The following KIFC1 variants were observed in gnomAD, a reference collection of about 807,000 sequenced individuals.
KIFC1 encodes the protein kinesin family member C1.
KIFC1 carries 37 observed loss-of-function variants against 66.6 expected under a neutral mutation model. That is an observed-to-expected ratio of 0.56 (90% CI 0.43 to 0.73). The LOEUF is 0.73. KIFC1 is among the 30% of genes least tolerant of loss of function. The pLI, the probability that KIFC1 is intolerant of heterozygous loss-of-function variation, is 0.00. For missense variants in KIFC1, 721 were observed against 859.8 expected (o/e 0.84, Z 2.02); for synonymous variants, 325 against 343.5 (o/e 0.95, Z 0.60).
At chr6:33,399,726 C>T (rs779619545) in intron 3 of KIFC1, among the ~76,000 whole-genome samples, 2 of 152,188 alleles carry the variant, frequency 1.3e-5, no homozygotes, top group Non-Finnish European at 2.9e-5. Context: ...AATGGCACAC[C>T]TGTACAGGGT....
rs145962575 is a variant in KIFC1, at chr6:33,399,248, C to T, written c.250+861C>T. 8.5e-5 allele frequency among the ~76,000 whole-genome samples: 13 copies of T among 152,108 alleles called. No individual in the cohort carries two copies. The East Asian group carries it at 2.1e-3, about 25-fold the overall frequency. On this transcript the variant is annotated intron_variant, in intron 3 of 10. Transcript: ENST00000428849. The stretch of plus-strand genomic sequence containing the variant: ...TACTAAAAATATAAAATTAGCCAGA[C>T]GTGATGGCCCGTGCCTGTAATCCCA...
chr6:33,397,778 C>T (rs1185427009), intron 1 of KIFC1, among the ~76,000 whole-genome samples: 2 of 152,212 alleles, frequency 1.3e-5, no homozygotes, highest in Non-Finnish European at 2.9e-5. Flanking sequence ...GAAGAGCATC[C>T]ATTCCTCTCT....
chr6:33,392,197 C>A (rs535929757), intron 1 of KIFC1, among the ~76,000 whole-genome samples, 200 bp downstream of exon 1: 88 of 152,326 alleles, frequency 5.8e-4, no homozygotes, highest in African/African-American at 1.9e-3. Context: ...TCGGAAGGCA[C>A]GTCTGTCTGC....
chr6:33,405,516 C>T lies in KIFC1; in HGVS notation c.1421C>T (p.Ala474Val). The T allele has an allele frequency of 3.7e-6, 6 of 1,612,232 alleles. No homozygotes were observed. The highest frequency in any genetic ancestry group is 3.4e-6 in the Non-Finnish European group (4 of 1,179,178). ...IYNETVRDLL[A>V]TGTRKGQGGE... ...AATGAGACTGTCCGGGACCTGCTGGCCACTGGAACCCGGAAGGGTCAAGGG... is the reference window on the plus strand; with the variant it reads ...AATGAGACTGTCCGGGACCTGCTGGTCACTGGAACCCGGAAGGGTCAAGGG... The change falls in exon 7 of 11, where the codon GCC becomes GTC. Residue 474 changes from alanine to valine, a missense_variant. By Grantham distance (64) the Ala-to-Val change is moderately conservative. Coordinates refer to ENST00000428849, the MANE Select transcript of KIFC1 (RefSeq NM_002263.4). The surrounding 1 kb of genome is among the most constrained non-coding windows in gnomAD (Gnocchi z 5.4).
intron 1 of KIFC1, among the ~76,000 whole-genome samples, chr6:33,397,300 T>A (rs944860769): frequency 2.7e-5 from 4 of 146,004 alleles, no homozygotes; most frequent in African/African-American, 1.0e-4. Context: ...AATGCCCTTT[T>A]TTTTTTTTTT....
At chr6:33,398,468 T>G (rs751720434) in intron 3 of KIFC1, 81 bp downstream of exon 3, 29 of 1,140,098 alleles carry the variant, frequency 2.5e-5, no homozygotes, top group Non-Finnish European at 3.4e-5. Context: ...CTTTCAATTT[T>G]ATTTTATTTT....
chr6:33,403,888 G>A lies in KIFC1; in HGVS notation c.515G>A (p.Arg172Lys). 6.2e-7 allele frequency: 1 copy of A among 1,614,246 alleles called. No individual in the cohort carries two copies. The highest frequency in any genetic ancestry group is 1.1e-5 in the South Asian group (1 of 91,090). ...QENQQLQDQLRDAQQQVKALG... is the reference protein window; with the variant it reads ...QENQQLQDQLKDAQQQVKALG... Reference sequence around the variant, plus strand: ...AACCAGCAGCTTCAGGACCAGCTCAGAGATGCCCAGCAGCAGGTCAAGGCC... The same window carrying A: ...AACCAGCAGCTTCAGGACCAGCTCAAAGATGCCCAGCAGCAGGTCAAGGCC... Residue 172 changes from arginine to lysine, a missense_variant, in exon 6 of 11, where the codon AGA becomes AAA. Physicochemically the swap from Arg to Lys is conservative, Grantham distance 26. Transcript: ENST00000428849. This position sits in a 1 kb window ranked among gnomAD's most constrained non-coding sequence, Gnocchi z 4.6.
Position 33,405,762 on chromosome 6 carries a change from C to T in KIFC1, c.1536+131C>T, listed in dbSNP as rs1775616137. 5 of 1,011,746 alleles carry T rather than the reference C, an allele frequency of 4.9e-6. No homozygotes were observed. The Admixed American group carries it at 9.5e-5, about 19-fold the overall frequency. 62.7% of individuals were successfully genotyped at this position (1,011,746 alleles called of 1,614,324 possible). A position where few individuals can be genotyped will look rare whatever the true frequency, so the allele number is the denominator to read the frequency against. Reference sequence around the variant, plus strand: ...TGCAAGTTATCAGGCTGGGTTACCACATCCGGTTTTGGCCTGTGGGCTGTC... The same window carrying T: ...TGCAAGTTATCAGGCTGGGTTACCATATCCGGTTTTGGCCTGTGGGCTGTC... On this transcript the variant is annotated intron_variant, in intron 7 of 10. Coordinates refer to ENST00000428849, the MANE Select transcript of KIFC1 (RefSeq NM_002263.4). The surrounding 1 kb of genome is among the most constrained non-coding windows in gnomAD (Gnocchi z 5.4).
intron 10 of KIFC1, among the ~76,000 whole-genome samples, chr6:33,408,058 T>A (rs531663231): frequency 2.6e-5 from 4 of 152,162 alleles, no homozygotes; most frequent in Non-Finnish European, 4.4e-5. Context: ...TTTTAGAGGG[T>A]GGTGATGTTT....
intron 1 of KIFC1, among the ~76,000 whole-genome samples, chr6:33,394,406 T>C (rs1382890868): frequency 1.3e-5 from 2 of 152,198 alleles, no homozygotes; most frequent in Non-Finnish European, 2.9e-5. Context: ...GTTATATCAA[T>C]TGAGATGGAG....
chr6:33,407,153 A>C, intron 10 of KIFC1: 1 of 1,090,342 alleles, frequency 9.2e-7, no homozygotes, highest in South Asian at 1.9e-5. Context: ...TCATGCCTAT[A>C]ATCCGAACAC....
chr6:33,409,750 T>C lies in KIFC1; in HGVS notation c.*60T>C. On this transcript the variant is annotated 3_prime_UTR_variant, in exon 11 of 11. Transcript: ENST00000428849. ...GTGTGTGTGTGTGTGTGTGTGTGTG[T>C]GTGTCCCTATGTCTATGTATCGGGT... The C allele has an allele frequency of 7.0e-7, 1 of 1,433,172 alleles. No individual in the cohort carries two copies. The highest frequency in any genetic ancestry group is 9.7e-7 in the Non-Finnish European group (1 of 1,036,214). 88.8% of individuals were successfully genotyped at this position (1,433,172 alleles called of 1,614,324 possible).
rs763606695 is a variant in KIFC1 at position 33,398,032 on chromosome 6, TC to T, written c.22del (p.Leu8TyrfsTer4). 2 of 1,613,372 alleles carry T rather than the reference TC, an allele frequency of 1.2e-6. No individual in the cohort carries two copies. Among genetic ancestry groups the T allele is most frequent in the Admixed American group, 3.3e-5 (2 of 59,946 alleles). ...TAAGGGTCTCTTTTCCCAACAGAGG[TC>T]CCCCCTATTGGAAGTAAAGGGGAAC... MDPQR[S>X]PLLEVKGNIE... On this transcript the variant is annotated frameshift_variant, in exon 2 of 11. Transcript: ENST00000428849. LOFTEE classifies it high-confidence loss of function.
chr6:33,391,818 C>T, upstream of KIFC1: 1 of 782,990 alleles, frequency 1.3e-6, no homozygotes. Context: ...TGGGTGGTGG[C>T]CGTTGGAATT....
chr6:33,391,912 C>G lies in KIFC1; in HGVS notation c.-74C>G. On this transcript the variant is annotated 5_prime_UTR_variant, in exon 1 of 11. Coordinates refer to ENST00000428849, the MANE Select transcript of KIFC1 (RefSeq NM_002263.4). ...CCTGCTTCGCGAGCGGGCGAGAGAA[C>G]GCGAGTCCCAGGATCCCCGGCACCC... 4 of 1,583,724 alleles carry G rather than the reference C, an allele frequency of 2.5e-6. No individual in the cohort carries two copies. The highest frequency in any genetic ancestry group is 3.5e-6 in the Non-Finnish European group (4 of 1,153,488).
chr6:33,391,698 C>A (rs574780104), upstream of KIFC1: 14 of 588,990 alleles, frequency 2.4e-5, no homozygotes, highest in East Asian at 3.8e-4. Flanking sequence ...ACAGAAAAGA[C>A]AAGGCGCCTG....
chr6:33,402,424 G>A (rs537999312), intron 3 of KIFC1, among the ~76,000 whole-genome samples: 1 of 152,164 alleles, frequency 6.6e-6, no homozygotes, highest in African/African-American at 2.4e-5. Flanking sequence ...ATCTAAAGAT[G>A]ATTTAAAGTA....
At chr6:33,392,101 A>G in intron 1 of KIFC1, 104 bp downstream of exon 1, 1 of 1,321,822 alleles carries the variant, frequency 7.6e-7, no homozygotes, top group African/African-American at 1.5e-5. Flanking sequence ...TGTCATGTCT[A>G]CCGGGAGAGC....
Position 33,405,461 on chromosome 6 carries a change from A to C in KIFC1, c.1366A>C (p.Ser456Arg), listed in dbSNP as rs752546936. ...QELSGQGWTYSFVASYVEIYN... is the reference protein window; with the variant it reads ...QELSGQGWTYRFVASYVEIYN... ...GCTGAGTGGTCAGGGCTGGACCTACAGCTTTGTAGCAAGCTACGTAGAGAT... is the reference window on the plus strand; with the variant it reads ...GCTGAGTGGTCAGGGCTGGACCTACCGCTTTGTAGCAAGCTACGTAGAGAT... The change falls in exon 7 of 11, where the codon AGC becomes CGC. Residue 456 changes from serine (S) to arginine (R), a missense_variant. Physicochemically the swap from Ser to Arg is moderately radical, Grantham distance 110. Coordinates refer to ENST00000428849, the MANE Select transcript of KIFC1 (RefSeq NM_002263.4). The surrounding 1 kb of genome is among the most constrained non-coding windows in gnomAD (Gnocchi z 5.4). 19 of 1,609,380 alleles carry C rather than the reference A, an allele frequency of 1.2e-5. No individual in the cohort carries two copies. Among genetic ancestry groups the C allele is most frequent in the Non-Finnish European group, 1.3e-5 (15 of 1,177,354 alleles).
Sources: gnomAD v4.1 joint callset for allele counts (sites outside exome capture counted in the v4.1 genomes callset) on GRCh38, gnomAD v4.1.1 for gene constraint, Gnocchi (gnomAD v3.1) non-coding constraint, MANE v1.5 for transcripts, NCBI Gene and HGNC (gene_info 2026-07-23, HGNC 2026-07-21) for gene names.